The following B9D1 variants were observed in gnomAD, a reference collection of about 807,000 sequenced individuals.
B9D1 encodes B9 domain-containing protein 1.
In B9D1, 20 loss-of-function variants were observed where a neutral mutation model predicts 26.1. The observed-to-expected ratio is 0.77, with a 90% CI of 0.54 to 1.12. The LOEUF (loss-of-function observed/expected upper bound fraction) is 1.12. Among genes scored for constraint, B9D1 ranks in the 50% most tolerant of loss-of-function variants. The pLI, the probability that B9D1 is intolerant of heterozygous loss-of-function variation, is 0.00. For synonymous variants in B9D1, 105 were observed against 103.1 expected, an observed-to-expected ratio of 1.02 and a Z score of -0.11; for missense variants, 260 against 273.7, an observed-to-expected ratio of 0.95 and a Z score of 0.35.
intron 1 of B9D1, among the ~76,000 whole-genome samples, chr17:19,376,936 T>C (rs1238855519): frequency 6.6e-6 from 1 of 152,216 alleles, no homozygotes; most frequent in Non-Finnish European, 1.5e-5. Flanking sequence ...AATCAGGATA[T>C]GTTTAAATCT....
chr17:19,356,445 G>C (rs1910366852), intron 3 of B9D1, among the ~76,000 whole-genome samples: 1 of 152,176 alleles, frequency 6.6e-6, no homozygotes, highest in African/African-American at 2.4e-5. Context: ...CAATCTTGGA[G>C]CTGAATAGAA....
upstream of B9D1, among the ~76,000 whole-genome samples, chr17:19,366,721 G>T (rs943769751): frequency 2.6e-5 from 4 of 152,202 alleles, no homozygotes; most frequent in South Asian, 2.1e-4. Context: ...TTCAGCGGAG[G>T]GGCCACACTT....
At chr17:19,377,193 T>C (rs1262635988) in intron 1 of B9D1, among the ~76,000 whole-genome samples, 1 of 152,202 alleles carries the variant, frequency 6.6e-6, no homozygotes, top group Non-Finnish European at 1.5e-5. Flanking sequence ...ATTGGCAAAA[T>C]AAACTTTCTA....
chr17:19,376,107 A>C (rs2096407702), intron 1 of B9D1, among the ~76,000 whole-genome samples: 1 of 152,252 alleles, frequency 6.6e-6, no homozygotes, highest in South Asian at 2.1e-4. Context: ...TAAGCCAAAC[A>C]CAAAAGACTA....
chr17:19,361,467 G>A (rs546483566), intron 1 of B9D1, among the ~76,000 whole-genome samples: 1 of 152,240 alleles, frequency 6.6e-6, no homozygotes, highest in African/African-American at 2.4e-5. Flanking sequence ...GAGCAGAGCA[G>A]GGAGGAACAG....
At chr17:19,338,046 A>G (rs553159310), downstream of B9D1, among the ~76,000 whole-genome samples, 24 of 152,322 alleles carry the variant, frequency 1.6e-4, no homozygotes, top group African/African-American at 5.8e-4. Flanking sequence ...TCTGTGGAGT[A>G]CAGAGCCTTC....
Position 19,347,326 on chromosome 17 carries a change from T to C in B9D1, c.347A>G (p.Lys116Arg), listed in dbSNP as rs1430578855. 6.2e-7 allele frequency: 1 copy of C among 1,614,206 alleles called. No homozygotes were observed. Among genetic ancestry groups the C allele is most frequent in the African/African-American group, 1.3e-5 (1 of 75,042 alleles). Reference protein sequence around the residue: ...VHVPFSPGRHKRTIPMFVPES... With the variant: ...VHVPFSPGRHRRTIPMFVPES... ...TGGGACAAACATGGGGATGGTCCTT[T>C]TGTGCCTGAAACAAATGTTTTTGCA... is the stretch of plus-strand genomic sequence containing the variant. The change falls in exon 5 of 7, where the codon AAA (lysine) becomes AGA (arginine). Residue 116 changes from lysine to arginine, a missense_variant. Coordinates refer to ENST00000261499, the MANE Select transcript of B9D1 (RefSeq NM_015681.6). This position sits in a 1 kb window ranked among gnomAD's most constrained non-coding sequence, Gnocchi z 4.3.
Position 19,347,081 on chromosome 17 carries a change from G to T in B9D1, c.404+188C>A. 6.4e-7 allele frequency: 1 copy of T among 1,555,348 alleles called. No homozygotes were observed. Among genetic ancestry groups the T allele is most frequent in the Non-Finnish European group, 8.7e-7 (1 of 1,149,480 alleles). On this transcript the variant is annotated intron_variant, in intron 5 of 6. Transcript: ENST00000261499. This position sits in a 1 kb window ranked among gnomAD's most constrained non-coding sequence, Gnocchi z 4.3. ...ACAGGGTAAAATCGCCCGGCCTTCTGCTGCTGGAACAGGGCTGAAGGGAGC... is the reference window on the plus strand; with the variant it reads ...ACAGGGTAAAATCGCCCGGCCTTCTTCTGCTGGAACAGGGCTGAAGGGAGC...
chr17:19,338,570 ATGGGCG>A (rs1907652205), downstream of B9D1, among the ~76,000 whole-genome samples: 1 of 152,182 alleles, frequency 6.6e-6, no homozygotes, highest in South Asian at 2.1e-4. Context: ...CCGTCACCTG[ATGGGCG>A]TGGCCATATG....
At chr17:19,355,234 G>A (rs1014488105) in intron 3 of B9D1, among the ~76,000 whole-genome samples, 8 of 152,030 alleles carry the variant, frequency 5.3e-5, no homozygotes, top group Non-Finnish European at 1.2e-4. Context: ...CTATTACAAT[G>A]TTTAAAAAAT....
chr17:19,376,769 AGAGT>A (rs1347731802), intron 1 of B9D1, among the ~76,000 whole-genome samples: 13 of 150,826 alleles, frequency 8.6e-5, no homozygotes, highest in African/African-American at 3.0e-4. Context: ...CCTGGGCAAC[AGAGT>A]GAGACTCACT....
At chr17:19,355,656 C>A (rs1216222041) in intron 3 of B9D1, among the ~76,000 whole-genome samples, 2 of 149,976 alleles carry the variant, frequency 1.3e-5, no homozygotes, top group African/African-American at 4.9e-5. Context: ...GGTGAAACCC[C>A]GTCTCTACTA....
intron 1 of B9D1, chr17:19,371,293 T>C (rs1337653664): frequency 6.6e-6 from 1 of 152,410 alleles, no homozygotes; most frequent in Non-Finnish European, 1.5e-5. Flanking sequence ...TGCAAATCTC[T>C]GTGTGTGTTT....
chr17:19,366,969 A>C (rs1911621859), upstream of B9D1, among the ~76,000 whole-genome samples: 1 of 152,164 alleles, frequency 6.6e-6, no homozygotes, highest in African/African-American at 2.4e-5. Flanking sequence ...TCTCAGAAAG[A>C]AGCATTTAAT....
At chr17:19,337,880 T>TG, downstream of B9D1, 1 of 189,560 alleles carries the variant, frequency 5.3e-6, no homozygotes. Context: ...TGGGTGGGGA[T>TG]GGGCAAGTGC....
At chr17:19,375,341 T>A (rs1912056803) in intron 1 of B9D1, among the ~76,000 whole-genome samples, 1 of 151,684 alleles carries the variant, frequency 6.6e-6, no homozygotes, top group Non-Finnish European at 1.5e-5. Context: ...AACAGACATT[T>A]CCCCAAAGGA....
At chr17:19,368,528 C>G (rs1462580373) in intron 1 of B9D1, among the ~76,000 whole-genome samples, 1 of 152,272 alleles carries the variant, frequency 6.6e-6, no homozygotes, top group South Asian at 2.1e-4. Context: ...TAGTAGGGCT[C>G]AGTAAATGTC....
chr17:19,347,723 C>G lies in B9D1; in HGVS notation c.341+61G>C. 1 of 1,520,740 alleles carries G rather than the reference C, an allele frequency of 6.6e-7. No individual in the cohort carries two copies. Among genetic ancestry groups the G allele is most frequent in the Non-Finnish European group, 9.1e-7 (1 of 1,102,166 alleles). 94.2% of individuals were successfully genotyped at this position (1,520,740 alleles called of 1,614,324 possible). ...CCCAGCCTGAACCTAAGACAGAAAACGAGGTGAAGTCTGTCCTAGGACAAG... is the reference window on the plus strand; with the variant it reads ...CCCAGCCTGAACCTAAGACAGAAAAGGAGGTGAAGTCTGTCCTAGGACAAG... On this transcript the variant is annotated intron_variant, in intron 4 of 6. Coordinates refer to ENST00000261499, the MANE Select transcript of B9D1 (RefSeq NM_015681.6). The surrounding 1 kb of genome is among the most constrained non-coding windows in gnomAD (Gnocchi z 4.3).
downstream of B9D1, among the ~76,000 whole-genome samples, chr17:19,337,058 G>A (rs1026793475): frequency 1.3e-5 from 2 of 152,176 alleles, no homozygotes; most frequent in African/African-American, 4.8e-5. Flanking sequence ...ACAGTGTGCC[G>A]GGTCCCCAGA....
Sources: gnomAD v4.1 joint callset for allele counts (sites outside exome capture counted in the v4.1 genomes callset) on GRCh38, gnomAD v4.1.1 for gene constraint, Gnocchi (gnomAD v3.1) non-coding constraint, MANE v1.5 for transcripts, NCBI Gene and HGNC (gene_info 2026-07-23, HGNC 2026-07-21) for gene names.